The following CCDC178 variants were observed in gnomAD, a reference collection of about 807,000 sequenced individuals.
CCDC178 encodes coiled-coil domain-containing protein 178.
CCDC178 carries 126 observed loss-of-function variants against 117.4 expected under a neutral mutation model. That is an observed-to-expected ratio of 1.07 (90% CI 0.93 to 1.24). The LOEUF (loss-of-function observed/expected upper bound fraction) is 1.24, where lower values mean the gene tolerates loss of function less well. Ranked by LOEUF, CCDC178 falls within the 50% of genes most tolerant of loss-of-function variation. CCDC178 has a pLI of 0.00. For missense variants in CCDC178, 1,030 were observed against 986.9 expected, an observed-to-expected ratio of 1.04 and a Z score of -0.59; for synonymous variants, 283 against 313.4, an observed-to-expected ratio of 0.90 and a Z score of 1.02.
chr18:33,245,520 G>A, intron 14 of CCDC178, 92 bp from the exon 15 acceptor site: 1 of 1,213,844 alleles, frequency 8.2e-7, no homozygotes, highest in Non-Finnish European at 1.1e-6. Flanking sequence ...CATATTTTAT[G>A]TTGTCAAAAA....
At chr18:33,330,180 A>C (rs2062646794) in intron 10 of CCDC178, among the ~76,000 whole-genome samples, 1 of 151,916 alleles carries the variant, frequency 6.6e-6, no homozygotes, top group African/African-American at 2.4e-5. Context: ...ATTTTTGAGT[A>C]TTGTCAGTTA....
intron 21 of CCDC178, among the ~76,000 whole-genome samples, chr18:33,076,984 G>T (rs1462412550): frequency 6.6e-6 from 1 of 152,136 alleles, no homozygotes; most frequent in Non-Finnish European, 1.5e-5. Flanking sequence ...GTACTTATCT[G>T]CCTGAACTTT....
intron 12 of CCDC178, among the ~76,000 whole-genome samples, chr18:33,291,075 TA>T (rs1261667739): frequency 2.0e-5 from 3 of 152,104 alleles, no homozygotes; most frequent in African/African-American, 2.4e-5. Context: ...TTGAACATTC[TA>T]AACATAGTTT....
intron 21 of CCDC178, among the ~76,000 whole-genome samples, chr18:33,066,038 T>C (rs1476432241): frequency 1.3e-5 from 2 of 151,942 alleles, no homozygotes; most frequent in Non-Finnish European, 2.9e-5. Context: ...ATTTTTTGTA[T>C]TTTTAGTAGA....
chr18:33,027,656 C>A lies in CCDC178; in HGVS notation c.2389-52975G>T, dbSNP rs1275054192. On this transcript the variant is annotated intron_variant, in intron 21 of 22. Transcript: ENST00000383096. ...GATATTTTATATTGAAAAAGTACAC[C>A]TGGAAGATATATCAATTCTAGTTAA... 1.5e-4 allele frequency among the ~76,000 whole-genome samples: 23 copies of A among 151,416 alleles called. 1 individual carries two copies. The highest frequency in any genetic ancestry group is 1.5e-3 in the Admixed American group (23 of 15,208).
At chr18:33,380,146 T>C (rs574848605) in intron 5 of CCDC178, among the ~76,000 whole-genome samples, 5 of 152,240 alleles carry the variant, frequency 3.3e-5, no homozygotes, top group African/African-American at 1.2e-4. Context: ...TAGATGCAAC[T>C]AGTCCCAGGT....
At chr18:33,119,938 A>G (rs545224715) in intron 20 of CCDC178, among the ~76,000 whole-genome samples, 45 of 152,230 alleles carry the variant, frequency 3.0e-4, no homozygotes, top group African/African-American at 1.1e-3. Flanking sequence ...CACAAGGACA[A>G]AAAATCAAAC....
chr18:33,376,646 T>A (rs1218858919), intron 5 of CCDC178, among the ~76,000 whole-genome samples: 1 of 152,150 alleles, frequency 6.6e-6, no homozygotes, highest in Non-Finnish European at 1.5e-5. Flanking sequence ...TGATGCCATC[T>A]TTATGTCCAT....
At chr18:33,179,351 T>C (rs909213292) in intron 20 of CCDC178, among the ~76,000 whole-genome samples, 7 of 151,326 alleles carry the variant, frequency 4.6e-5, no homozygotes, top group African/African-American at 1.7e-4. Context: ...TGACAACTTT[T>C]CTCTTTTCAG....
chr18:33,096,690 A>T (rs1046669173), intron 20 of CCDC178, among the ~76,000 whole-genome samples: 2 of 152,124 alleles, frequency 1.3e-5, no homozygotes, highest in African/African-American at 4.8e-5. Flanking sequence ...ACACTAACAT[A>T]GCCGGTGCCT....
chr18:32,988,525 C>T (rs1365462723), intron 21 of CCDC178, among the ~76,000 whole-genome samples: 1 of 151,962 alleles, frequency 6.6e-6, no homozygotes. Flanking sequence ...ACAGATGATA[C>T]TTAAGGGGGT....
chr18:32,982,708 CAG>C lies in CCDC178; in HGVS notation c.2389-8029_2389-8028del, dbSNP rs559720467. On this transcript the variant is annotated intron_variant, in intron 21 of 22. Transcript: ENST00000383096. Reference sequence around the variant, plus strand: ...AAACCCATTAGATACAGAATCCAAACAGAAAATTAACAGAATCGCTGCAATAA... The same window carrying C: ...AAACCCATTAGATACAGAATCCAAACAAAATTAACAGAATCGCTGCAATAA... 6.3e-4 allele frequency among the ~76,000 whole-genome samples: 96 copies of C among 152,180 alleles called. 1 individual carries two copies. Among genetic ancestry groups the C allele is most frequent in the African/African-American group, 2.2e-3 (90 of 41,514 alleles).
At chr18:32,974,017 T>C (rs2054982999) in intron 22 of CCDC178, among the ~76,000 whole-genome samples, 1 of 152,174 alleles carries the variant, frequency 6.6e-6, no homozygotes. Flanking sequence ...AATGTTTTTA[T>C]TGAAACAAGG....
intron 12 of CCDC178, among the ~76,000 whole-genome samples, chr18:33,277,753 ATTTC>A (rs2059967673): frequency 1.3e-5 from 2 of 152,086 alleles, no homozygotes; most frequent in African/African-American, 2.4e-5. Context: ...CTGACTCTAC[ATTTC>A]TCTGACTTGT....
intron 20 of CCDC178, among the ~76,000 whole-genome samples, chr18:33,106,809 G>A (rs1265271724): frequency 6.6e-6 from 1 of 151,674 alleles, no homozygotes; most frequent in South Asian, 2.1e-4. Context: ...AGATGTGGAG[G>A]AAGAAGCAGG....
chr18:32,977,356 C>T (rs189323292), intron 21 of CCDC178, among the ~76,000 whole-genome samples: 40 of 152,162 alleles, frequency 2.6e-4, no homozygotes, highest in Admixed American at 2.0e-3. Flanking sequence ...CCAAGGGTTC[C>T]GTAGACCTTT....
rs9963357 is a variant in CCDC178, at chr18:33,213,038, G to A, written c.2079-983C>T. ...GCAGCAAGACTAATATTTTGGGAAG[G>A]ACTAAACTAATATCTCTGCTTTTAA... On this transcript the variant is annotated intron_variant, in intron 19 of 22. Coordinates refer to ENST00000383096, the MANE Select transcript of CCDC178 (RefSeq NM_001105528.4). Among the ~76,000 whole-genome samples, 8 of 151,796 alleles carry A rather than the reference G, an allele frequency of 5.3e-5. No individual in the cohort carries two copies. The South Asian group carries it at 6.2e-4, about 12-fold the overall frequency.
At position 32,981,068 on chromosome 18, in the gene CCDC178, T is replaced by C. The variant is rs2055144959; in HGVS notation, c.2389-6387A>G. 2.6e-5 allele frequency among the ~76,000 whole-genome samples: 4 copies of C among 151,996 alleles called. 1 individual carries two copies. Among genetic ancestry groups the C allele is most frequent in the Admixed American group, 2.0e-4 (3 of 15,236 alleles). On this transcript the variant is annotated intron_variant, in intron 21 of 22. Coordinates refer to ENST00000383096, the MANE Select transcript of CCDC178 (RefSeq NM_001105528.4). ...ATTTAAAATAAACACACTGGCCGTA[T>C]GTGGTGGCTCATGTCTGTAATCCCA...
In CCDC178 at chr18:33,232,283, GACAA is replaced by G. The variant is rs142436852; in HGVS notation, c.1594-5432_1594-5429del. ...TAGGACAAAAGATAGCTGAAAGGAGGACAAACAGTCAATACTGAGTCCGGAAACC... is the reference window on the plus strand; with the variant it reads ...TAGGACAAAAGATAGCTGAAAGGAGGACAGTCAATACTGAGTCCGGAAACC... On this transcript the variant is annotated intron_variant, in intron 15 of 22. Transcript: ENST00000383096. Among the ~76,000 whole-genome samples the G allele has an allele frequency of 4.4e-3, 676 of 152,208 alleles. 6 individuals are homozygous for G. The highest frequency in any genetic ancestry group is 0.015 in the African/African-American group (631 of 41,532).
Sources: allele counts gnomAD v4.1 joint callset (sites outside exome capture counted in the v4.1 genomes callset), GRCh38; gene constraint gnomAD v4.1.1; transcripts MANE v1.5; gene names NCBI Gene and HGNC (gene_info 2026-07-23, HGNC 2026-07-21).